Variants in BTG4 observed in about 807,000 individuals in gnomAD.
BTG4 encodes the protein protein BTG4.
In BTG4, 10 loss-of-function variants were observed where a neutral mutation model predicts 19.3. The observed-to-expected ratio is 0.52, with a 90% CI of 0.32 to 0.88. The LOEUF is 0.88. Ranked by LOEUF, BTG4 falls within the 40% of genes least tolerant of loss-of-function variation. The pLI, the probability that BTG4 is intolerant of heterozygous loss-of-function variation, is 0.04. For synonymous variants in BTG4, 91 were observed against 95.7 expected, an observed-to-expected ratio of 0.95 and a Z score of 0.29; for missense variants, 238 against 281.9, an observed-to-expected ratio of 0.84 and a Z score of 1.11.
At chr11:111,445,822 T>C in the BTG4 span, among the ~76,000 whole-genome samples, 1 of 152,180 alleles carries the variant, frequency 6.6e-6, no homozygotes, top group Non-Finnish European at 1.5e-5. Flanking sequence ...CTGAGTTTCT[T>C]CATCCACAAA....
chr11:111,417,183 T>C, the BTG4 span: 1 of 152,238 alleles, frequency 6.6e-6, no homozygotes, highest in Non-Finnish European at 1.5e-5. Context: ...AGAGATTCAC[T>C]ACAAGGACTC....
At chr11:111,491,523 G>A (rs563565372), downstream of BTG4, among the ~76,000 whole-genome samples, 1 of 152,136 alleles carries the variant, frequency 6.6e-6, no homozygotes, top group South Asian at 2.1e-4. Context: ...CGAAGCGGGA[G>A]GATCCCTTGA....
the BTG4 span, among the ~76,000 whole-genome samples, chr11:111,410,112 A>C: frequency 2.0e-5 from 3 of 152,152 alleles, no homozygotes; most frequent in African/African-American, 7.2e-5. Flanking sequence ...AGGCTCTTGA[A>C]TTAGTCATTT....
chr11:111,435,682 G>A, the BTG4 span, among the ~76,000 whole-genome samples: 7 of 152,166 alleles, frequency 4.6e-5, no homozygotes, highest in Non-Finnish European at 1.0e-4. Flanking sequence ...TCTGGGGAAA[G>A]GGGGAAACGT....
At chr11:111,503,639 G>C (rs754728723) in intron 1 of BTG4, among the ~76,000 whole-genome samples, 1 of 152,108 alleles carries the variant, frequency 6.6e-6, no homozygotes, top group Non-Finnish European at 1.5e-5. Flanking sequence ...GAAATAAGAG[G>C]TTCTGGCCAT....
At chr11:111,401,282 C>A in the BTG4 span, among the ~76,000 whole-genome samples, 10 of 151,986 alleles carry the variant, frequency 6.6e-5, no homozygotes, top group East Asian at 9.7e-4. Flanking sequence ...GTCAGGAGAT[C>A]GAGACCATCC....
intron 5 of BTG4, among the ~76,000 whole-genome samples, chr11:111,477,594 G>A (rs1864470425): frequency 6.6e-6 from 1 of 152,056 alleles, no homozygotes; most frequent in South Asian, 2.1e-4. Flanking sequence ...AAGAAGATAA[G>A]ACTCTGAAAG....
intron 1 of BTG4, among the ~76,000 whole-genome samples, chr11:111,500,745 T>TA (rs1424549219): frequency 2.0e-5 from 3 of 152,082 alleles, no homozygotes; most frequent in Non-Finnish European, 4.4e-5. Flanking sequence ...AGCATGGGAC[T>TA]GTTGCTTCCC....
chr11:111,429,940 T>TTTG, the BTG4 span, among the ~76,000 whole-genome samples: 51,092 of 151,926 alleles, frequency 0.34, 8,611 homozygotes, highest in African/African-American at 0.36. Context: ...TTGTTGGTGT[T>TTTG]TTTTGTTTTG....
the BTG4 span, among the ~76,000 whole-genome samples, chr11:111,445,758 A>C: frequency 6.6e-6 from 1 of 152,038 alleles, no homozygotes; most frequent in Non-Finnish European, 1.5e-5. Context: ...CCTTGTGGGA[A>C]TTTTCCATCT....
At chr11:111,467,799 T>G (rs111509237) in intron 5 of BTG4, 201 of 613,572 alleles carry the variant, frequency 3.3e-4, no homozygotes, top group African/African-American at 2.8e-3. Flanking sequence ...GCATAATAAA[T>G]GTCACAGTGT....
chr11:111,426,047 G>A, the BTG4 span, among the ~76,000 whole-genome samples: 1 of 152,052 alleles, frequency 6.6e-6, no homozygotes, highest in African/African-American at 2.4e-5. Context: ...AGAAAAAAAA[G>A]GAGAAACTGA....
the BTG4 span, among the ~76,000 whole-genome samples, chr11:111,402,315 C>T: frequency 4.9e-4 from 75 of 152,210 alleles, 1 homozygote; most frequent in African/African-American, 1.7e-3. Flanking sequence ...TACCCAGTCT[C>T]GGGTATGTCT....
At chr11:111,460,346 CG>C in the BTG4 span, 4 of 152,660 alleles carry the variant, frequency 2.6e-5, no homozygotes, top group Non-Finnish European at 2.9e-5. Flanking sequence ...GGCTTTACCT[CG>C]GGGAGTGAGA....
chr11:111,420,128 G>T, the BTG4 span, among the ~76,000 whole-genome samples: 4 of 152,320 alleles, frequency 2.6e-5, no homozygotes, highest in Admixed American at 6.5e-5. Context: ...CTCGGCAAAG[G>T]AAAGTTCACA....
chr11:111,405,237 G>T, the BTG4 span, among the ~76,000 whole-genome samples: 1 of 151,672 alleles, frequency 6.6e-6, no homozygotes, highest in African/African-American at 2.4e-5. Context: ...AACCCCATCT[G>T]TACTAAAAAT....
chr11:111,485,635 G>A (rs557287491), intron 5 of BTG4, among the ~76,000 whole-genome samples: 19 of 152,106 alleles, frequency 1.2e-4, no homozygotes, highest in East Asian at 5.8e-4. Context: ...AAATGCCTCC[G>A]TCAAAAAATA....
chr11:111,497,265 A>C lies in BTG4; in HGVS notation c.456T>G (p.Cys152Trp). 1 of 1,613,144 alleles carries C rather than the reference A, an allele frequency of 6.2e-7. No individual in the cohort carries two copies. The highest frequency in any genetic ancestry group is 1.1e-5 in the South Asian group (1 of 90,868). ...TAGGAATGACACGAGGTTCCTTGCT[A>C]CAACTTTCTTCATCGCAGGAAGTGC... ...SSGTSCDEES[C>W]SKEPRVIPKV... is the part of the protein sequence containing the mutation. Residue 152 changes from cysteine (C) to tryptophan (W), a missense_variant, in exon 4 of 5, where the codon TGT becomes TGG. Physicochemically the swap from Cys to Trp is radical, Grantham distance 215 (BLOSUM62 -2). Coordinates refer to ENST00000692032, the MANE Select transcript of BTG4 (RefSeq NM_001367975.1).
chr11:111,512,000 G>T (rs1388605113), intron 1 of BTG4, among the ~76,000 whole-genome samples, 181 bp downstream of exon 1: 1 of 152,142 alleles, frequency 6.6e-6, no homozygotes, highest in Non-Finnish European at 1.5e-5. Context: ...AAGCTGCCTG[G>T]CTCACTATTT....
Sources: allele counts gnomAD v4.1 joint callset (sites outside exome capture counted in the v4.1 genomes callset), GRCh38; gene constraint gnomAD v4.1.1; transcripts MANE v1.5; gene names NCBI Gene and HGNC (gene_info 2026-07-23, HGNC 2026-07-21).